The following KIAA0319 variants were observed in gnomAD, a reference collection of about 807,000 sequenced individuals.
KIAA0319 encodes dyslexia-associated protein KIAA0319.
A neutral mutation model predicts 108.4 loss-of-function variants in KIAA0319; 83 were observed. The observed-to-expected ratio is 0.77, with a 90% CI of 0.64 to 0.92. KIAA0319 has a LOEUF of 0.92. Among genes scored for constraint, KIAA0319 ranks in the 40% least tolerant of loss-of-function variants. The pLI, the probability that KIAA0319 is intolerant of heterozygous loss-of-function variation, is 0.00. For synonymous variants in KIAA0319, 484 were observed against 510.4 expected (o/e 0.95, Z 0.70); for missense variants, 1,195 against 1,322.4 (o/e 0.90, Z 1.49).
chr6:24,615,619 GCAAA>G (rs1452632619), intron 1 of KIAA0319, among the ~76,000 whole-genome samples: 3 of 152,212 alleles, frequency 2.0e-5, no homozygotes, highest in South Asian at 2.1e-4. Context: ...ACTTTTAAAG[GCAAA>G]CAGTGTTACA....
At chr6:24,597,360 C>T (rs1028287878) in intron 2 of KIAA0319, among the ~76,000 whole-genome samples, 2 of 152,150 alleles carry the variant, frequency 1.3e-5, no homozygotes, top group Non-Finnish European at 2.9e-5. Context: ...CAGAAGCCTC[C>T]AACTCAAAGC....
downstream of KIAA0319, among the ~76,000 whole-genome samples, chr6:24,542,445 T>C (rs1037664721): frequency 6.6e-6 from 1 of 152,172 alleles, no homozygotes; most frequent in Non-Finnish European, 1.5e-5. Context: ...TAGACCTAAG[T>C]GGGACCTGGC....
At chr6:24,592,716 A>T (rs190915233) in intron 3 of KIAA0319, among the ~76,000 whole-genome samples, 23 of 152,318 alleles carry the variant, frequency 1.5e-4, no homozygotes, top group African/African-American at 5.3e-4. Flanking sequence ...CACATATGTA[A>T]TCCTAGCATT....
At chr6:24,570,074 T>A in intron 11 of KIAA0319, 39 bp from the exon 12 acceptor site, 1 of 1,597,938 alleles carries the variant, frequency 6.3e-7, no homozygotes, top group Non-Finnish European at 8.6e-7. Flanking sequence ...TATTATCTCT[T>A]TGCATTAAGT....
chr6:24,593,333 C>T (rs1336503180), intron 3 of KIAA0319, among the ~76,000 whole-genome samples: 2 of 150,374 alleles, frequency 1.3e-5, no homozygotes, highest in African/African-American at 4.9e-5. Context: ...ATCTCTAACA[C>T]GTGTTCATTT....
intron 10 of KIAA0319, among the ~76,000 whole-genome samples, chr6:24,573,946 C>G (rs539233674): frequency 6.6e-6 from 1 of 151,938 alleles, no homozygotes; most frequent in East Asian, 1.9e-4. Flanking sequence ...GAAACCCCGT[C>G]TCTACTAAAA....
chr6:24,593,030 C>A (rs1375838575), intron 3 of KIAA0319, among the ~76,000 whole-genome samples: 2 of 152,246 alleles, frequency 1.3e-5, no homozygotes, highest in East Asian at 3.9e-4. Context: ...GGATACCTCT[C>A]CAGGTTATCT....
At chr6:24,598,553 TCAAGAA>T (rs1261000126) in intron 2 of KIAA0319, 8 of 428,260 alleles carry the variant, frequency 1.9e-5, no homozygotes, top group Non-Finnish European at 3.2e-5. Flanking sequence ...GTGGAGGACT[TCAAGAA>T]CAAGTACAAG....
In KIAA0319 at chr6:24,576,411, C is replaced by T. The variant is rs751015831; in HGVS notation, c.1691G>A (p.Trp564Ter). The T allele has an allele frequency of 1.7e-5, 28 of 1,614,040 alleles. No individual in the cohort carries two copies. The highest frequency in any genetic ancestry group is 4.4e-5 in the South Asian group (4 of 91,080). ...GCCCTCACTCCCAGGACCCAGGGAC[C>T]ACTCATAGAGGACAATCTGGTGATC... The part of the protein sequence containing the change: ...SDDHQIVLYE[W>*]SLGPGSEGKH... The change falls in exon 10 of 21, where the codon TGG (tryptophan) becomes TAG (stop). Residue 564 changes from tryptophan to a stop codon, truncating the protein, a stop_gained. Coordinates refer to ENST00000378214, the MANE Select transcript of KIAA0319 (RefSeq NM_014809.4). LOFTEE classifies it high-confidence loss of function.
chr6:24,548,720 T>C (rs886867778), intron 20 of KIAA0319, among the ~76,000 whole-genome samples: 1 of 152,138 alleles, frequency 6.6e-6, no homozygotes, highest in African/African-American at 2.4e-5. Flanking sequence ...ATGATTCATG[T>C]AGGAAATAAT....
At chr6:24,645,100 G>T (rs1235969007) in intron 1 of KIAA0319, among the ~76,000 whole-genome samples, 3 of 152,168 alleles carry the variant, frequency 2.0e-5, no homozygotes, top group Non-Finnish European at 2.9e-5. Context: ...TTGTGTGTGG[G>T]GGGGAACATT....
At chr6:24,639,668 T>G (rs1394184288) in intron 1 of KIAA0319, among the ~76,000 whole-genome samples, 2 of 152,004 alleles carry the variant, frequency 1.3e-5, no homozygotes, top group Non-Finnish European at 2.9e-5. Flanking sequence ...GCCAACATAG[T>G]GAAACCCCAT....
intron 1 of KIAA0319, among the ~76,000 whole-genome samples, chr6:24,616,049 A>C (rs893161505): frequency 2.0e-5 from 3 of 152,234 alleles, no homozygotes; most frequent in Non-Finnish European, 4.4e-5. Flanking sequence ...CAATAAGACA[A>C]TTGTCAAAGT....
At chr6:24,558,724 C>G (rs1762671858) in intron 17 of KIAA0319, among the ~76,000 whole-genome samples, 1 of 152,168 alleles carries the variant, frequency 6.6e-6, no homozygotes, top group Non-Finnish European at 1.5e-5. Context: ...GCTTTTGCAG[C>G]CAGTAACACT....
intron 1 of KIAA0319, among the ~76,000 whole-genome samples, chr6:24,629,178 AG>A (rs1219986429): frequency 6.6e-6 from 1 of 152,218 alleles, no homozygotes; most frequent in East Asian, 1.9e-4. Context: ...TTTACACACT[AG>A]GGGTTTTCTT....
At chr6:24,643,117 A>C (rs1777178614) in intron 1 of KIAA0319, among the ~76,000 whole-genome samples, 1 of 152,182 alleles carries the variant, frequency 6.6e-6, no homozygotes, top group African/African-American at 2.4e-5. Context: ...GAACACTATT[A>C]TCTTTACCTA....
chr6:24,565,120 G>T (rs1321417732), intron 14 of KIAA0319, among the ~76,000 whole-genome samples: 1 of 152,070 alleles, frequency 6.6e-6, no homozygotes, highest in Non-Finnish European at 1.5e-5. Flanking sequence ...AGGCGTGGTG[G>T]TGGGCACCTG....
chr6:24,542,815 CCA>C (rs964749881), downstream of KIAA0319, among the ~76,000 whole-genome samples: 1 of 152,210 alleles, frequency 6.6e-6, no homozygotes, highest in Non-Finnish European at 1.5e-5. Flanking sequence ...TTTGGGAACT[CCA>C]GAGTTCACCT....
chr6:24,576,239 T>C, intron 10 of KIAA0319, 129 bp downstream of exon 10: 1 of 742,688 alleles, frequency 1.3e-6, no homozygotes. Flanking sequence ...TTTCTAATAG[T>C]TGTAATAGAT....
Sources: allele counts gnomAD v4.1 joint callset (sites outside exome capture counted in the v4.1 genomes callset), GRCh38; gene constraint gnomAD v4.1.1; transcripts MANE v1.5; gene names NCBI Gene and HGNC (gene_info 2026-07-23, HGNC 2026-07-21).